HSPA12A: variants seen among roughly 807,000 people sequenced by gnomAD.
HSPA12A encodes heat shock 70 kDa protein 12A.
In HSPA12A, 28 loss-of-function variants were observed where a neutral mutation model predicts 69.2. The ratio of observed to expected loss-of-function variants is 0.40; its 90% CI spans 0.30 to 0.55. The LOEUF (loss-of-function observed/expected upper bound fraction) is 0.55, where lower values mean the gene tolerates loss of function less well. Among genes scored for constraint, HSPA12A ranks in the 20% least tolerant of loss-of-function variants. The pLI is 0.38. For missense variants in HSPA12A, 686 were observed against 900.7 expected (o/e 0.76, Z 3.05); for synonymous variants, 345 against 370.5 (o/e 0.93, Z 0.79).
chr10:116,711,930 G>A (rs1850447137), intron 1 of HSPA12A, among the ~76,000 whole-genome samples: 2 of 151,576 alleles, frequency 1.3e-5, no homozygotes, highest in Admixed American at 6.6e-5. Flanking sequence ...CTTGTGATCC[G>A]CTGGCCTCGG....
Position 116,784,674 on chromosome 10 carries a change from C to T in HSPA12A, c.91+50261G>A, listed in dbSNP as rs74558967. On this transcript the variant is annotated intron_variant, in intron 2 of 12. Transcript: ENST00000635765. The stretch of plus-strand genomic sequence containing the variant: ...TTAGCAAGAGTTGCTCCTTCCCGTT[C>T]CCTCCACGTGTTGCCCTTGCAGTTG... Among the ~76,000 whole-genome samples the T allele has an allele frequency of 1.1e-4, 16 of 152,354 alleles. No individual in the cohort carries two copies. The East Asian group carries it at 3.1e-3, about 29-fold the overall frequency.
Position 116,696,286 on chromosome 10 carries a change from C to T in HSPA12A, c.546+2349G>A, listed in dbSNP as rs140035360. Among the ~76,000 whole-genome samples, 978 of 152,250 alleles carry T rather than the reference C, an allele frequency of 6.4e-3. 7 individuals are homozygous for T. The highest frequency in any genetic ancestry group is 0.016 in the Admixed American group (239 of 15,302). On this transcript the variant is annotated intron_variant, in intron 5 of 11. Transcript: ENST00000369209. ...TTGATATGGTGTGGCTGTATGGTCC[C>T]CACCCAAATCTCACCTTGAATTGTA... is the stretch of plus-strand genomic sequence containing the variant.
chr10:116,745,255 G>A (rs1168450435), upstream of HSPA12A, among the ~76,000 whole-genome samples: 2 of 152,242 alleles, frequency 1.3e-5, no homozygotes, highest in African/African-American at 4.8e-5. Context: ...ATGCTTGACT[G>A]GCTGAATCAG....
At position 116,723,450 on chromosome 10, in the gene HSPA12A, G is replaced by T. The variant is rs977337212; in HGVS notation, c.41-16165C>A. Reference sequence around the variant, plus strand: ...GGGCTGAGGACCCCGAATGAGCTGGGTTCTGGGGCAACACCCAGTTCCACC... The same window carrying T: ...GGGCTGAGGACCCCGAATGAGCTGGTTTCTGGGGCAACACCCAGTTCCACC... On this transcript the variant is annotated intron_variant, in intron 1 of 11. Coordinates refer to ENST00000369209, the MANE Select transcript of HSPA12A (RefSeq NM_025015.3). The surrounding 1 kb of genome is among the most constrained non-coding windows in gnomAD (Gnocchi z 4.1). 6.6e-6 allele frequency among the ~76,000 whole-genome samples: 1 copy of T among 152,150 alleles called. No individual in the cohort carries two copies. The highest frequency in any genetic ancestry group is 6.5e-5 in the Admixed American group (1 of 15,282).
chr10:116,705,385 A>G (rs1002561396), intron 2 of HSPA12A, 107 bp from the exon 3 acceptor site: 1 of 1,283,738 alleles, frequency 7.8e-7, no homozygotes, highest in South Asian at 1.2e-5. Context: ...CCCTGCAGAC[A>G]GAAAGACATT....
chr10:116,831,445 G>A (rs1178615042), intron 2 of HSPA12A: 1 of 152,210 alleles, frequency 6.6e-6, no homozygotes, highest in East Asian at 1.9e-4. Context: ...CGTGTCCGGA[G>A]GACGGTCAGC....
chr10:116,744,542 G>A (rs1347501117), upstream of HSPA12A, among the ~76,000 whole-genome samples: 3 of 152,254 alleles, frequency 2.0e-5, no homozygotes, highest in African/African-American at 4.8e-5. Context: ...GCGTGAGAAG[G>A]ATGGGAGGTG....
chr10:116,743,930 C>G (rs777140494), upstream of HSPA12A, among the ~76,000 whole-genome samples: 1 of 152,234 alleles, frequency 6.6e-6, no homozygotes, highest in Non-Finnish European at 1.5e-5. Context: ...CAGGAGAACC[C>G]ACTTCATAAA....
intron 2 of HSPA12A, among the ~76,000 whole-genome samples, chr10:116,795,934 C>T (rs1371458367): frequency 6.6e-6 from 1 of 150,982 alleles, no homozygotes. Flanking sequence ...ATCACAAGGT[C>T]AGGAGATCGA....
At chr10:116,837,558 T>C (rs1845736772) in intron 1 of HSPA12A, among the ~76,000 whole-genome samples, 1 of 152,180 alleles carries the variant, frequency 6.6e-6, no homozygotes, top group African/African-American at 2.4e-5. Context: ...GAAAAAGCCG[T>C]AGAACTTTGT....
intron 2 of HSPA12A, 71 bp downstream of exon 2, chr10:116,707,129 G>A (rs1263412206): frequency 4.8e-6 from 6 of 1,254,438 alleles, no homozygotes; most frequent in South Asian, 1.4e-5. Flanking sequence ...CAGTACGCAC[G>A]TGTGCTCATG....
chr10:116,701,626 G>C (rs1850078731), intron 3 of HSPA12A, among the ~76,000 whole-genome samples: 1 of 152,236 alleles, frequency 6.6e-6, no homozygotes, highest in Non-Finnish European at 1.5e-5. Context: ...GCAGGATTCG[G>C]GGGAGAACTG....
At chr10:116,782,498 G>A (rs2133137599) in intron 2 of HSPA12A, among the ~76,000 whole-genome samples, 1 of 152,270 alleles carries the variant, frequency 6.6e-6, no homozygotes, top group South Asian at 2.1e-4. Flanking sequence ...ATAGTCCCGG[G>A]TGGAACATTA....
rs781861677 is a variant in HSPA12A at position 116,750,186 on chromosome 10, C to T, written c.92-42901G>A. Reference sequence around the variant, plus strand: ...GTGAAGGTTGGCCTGACAAATTATGCTGCGGCACATTGTCCTGGCCTGCTG... The same window carrying T: ...GTGAAGGTTGGCCTGACAAATTATGTTGCGGCACATTGTCCTGGCCTGCTG... On this transcript the variant is annotated intron_variant, in intron 2 of 12. Coordinates refer to the HSPA12A transcript ENST00000635765. 2.5e-4 allele frequency: 162 copies of T among 647,346 alleles called. 1 individual carries two copies. The highest frequency in any genetic ancestry group is 4.1e-4 in the Non-Finnish European group (143 of 352,606). The allele number at this position is 647,346 out of a possible 1,614,324, so 40.1% of individuals were successfully genotyped here.
chr10:116,775,311 G>A lies in HSPA12A; in HGVS notation c.91+59624C>T, dbSNP rs940191001. 1.2e-4 allele frequency among the ~76,000 whole-genome samples: 19 copies of A among 152,198 alleles called. 1 individual carries two copies. The highest frequency in any genetic ancestry group is 6.2e-4 in the South Asian group (3 of 4,828). On this transcript the variant is annotated intron_variant, in intron 2 of 12. Transcript: ENST00000635765. ...GGTCACACAGGGCCACATAGCCAGT[G>A]AGACGGGAGCCTGGGATTTGAACTC... is the stretch of plus-strand genomic sequence containing the variant.
chr10:116,751,856 G>T (rs1851783240), intron 2 of HSPA12A, among the ~76,000 whole-genome samples: 1 of 152,076 alleles, frequency 6.6e-6, no homozygotes, highest in East Asian at 1.9e-4. Flanking sequence ...GCTCTCTCCT[G>T]CTCTTGGTCC....
Position 116,710,388 on chromosome 10 carries a change from C to A in HSPA12A, c.41-3103G>T, listed in dbSNP as rs1850385466. ...CCGCTGCTGCTTGGTCCTAATTATC[C>A]CATCACTCAGCCCTTCTCAGAGCCC... On this transcript the variant is annotated intron_variant, in intron 1 of 11. Coordinates refer to ENST00000369209, the MANE Select transcript of HSPA12A (RefSeq NM_025015.3). This position sits in a 1 kb window ranked among gnomAD's most constrained non-coding sequence, Gnocchi z 4.1. 6.6e-6 allele frequency among the ~76,000 whole-genome samples: 1 copy of A among 152,130 alleles called. No individual in the cohort carries two copies. The highest frequency in any genetic ancestry group is 1.5e-5 in the Non-Finnish European group (1 of 68,026).
rs192731563 is a variant in HSPA12A at position 116,780,208 on chromosome 10, G to T, written c.91+54727C>A. ...CTGGAGCTAGTCTAAGATCACAAGA[G>T]TTGGTGTGTCTTCCCTGTAGGAAGA... is the stretch of plus-strand genomic sequence containing the variant. On this transcript the variant is annotated intron_variant, in intron 2 of 12. Transcript: ENST00000635765. Among the ~76,000 whole-genome samples the T allele has an allele frequency of 2.8e-3, 421 of 152,292 alleles. 2 individuals carry two copies. Among genetic ancestry groups the T allele is most frequent in the Admixed American group, 5.0e-3 (76 of 15,302 alleles).
chr10:116,715,820 G>A (rs191424442), intron 1 of HSPA12A, among the ~76,000 whole-genome samples: 190 of 152,274 alleles, frequency 1.2e-3, no homozygotes, highest in African/African-American at 4.3e-3. Flanking sequence ...ATAAGGATAC[G>A]AGTTCACTGA....
Sources: allele counts gnomAD v4.1 joint callset (sites outside exome capture counted in the v4.1 genomes callset), GRCh38; gene constraint gnomAD v4.1.1; non-coding constraint Gnocchi (gnomAD v3.1); transcripts MANE v1.5; gene names NCBI Gene and HGNC (gene_info 2026-07-23, HGNC 2026-07-21).